ALDH1A2: variants seen among roughly 807,000 people sequenced by gnomAD.
The protein encoded by ALDH1A2 is retinal dehydrogenase 2.
In ALDH1A2, 27 loss-of-function variants were observed where a neutral mutation model predicts 60.3. The ratio of observed to expected loss-of-function variants is 0.45; its 90% confidence interval spans 0.33 to 0.62. The LOEUF (loss-of-function observed/expected upper bound fraction) is 0.62. Ranked by LOEUF, ALDH1A2 falls within the 20% of genes least tolerant of loss-of-function variation. The probability of loss-of-function intolerance (pLI) is 0.02; values close to 1 mark genes in which losing one functional copy is unlikely to be tolerated. For missense variants in ALDH1A2, 581 were observed against 643.8 expected (o/e 0.90, Z 1.06); for synonymous variants, 289 against 232.4 (o/e 1.24, Z -2.21).
intron 1 of ALDH1A2, among the ~76,000 whole-genome samples, chr15:58,025,671 A>T (rs1034617108): frequency 3.3e-5 from 5 of 152,200 alleles, no homozygotes; most frequent in Non-Finnish European, 7.4e-5. Context: ...GTAAAGGAAT[A>T]CCTGAGGATA....
intron 4 of ALDH1A2, among the ~76,000 whole-genome samples, chr15:57,995,762 C>T (rs1895040596): frequency 6.6e-6 from 1 of 151,954 alleles, no homozygotes; most frequent in Non-Finnish European, 1.5e-5. Context: ...CCAAACTAGA[C>T]ATAGAAATGA....
intron 7 of ALDH1A2, among the ~76,000 whole-genome samples, chr15:57,973,544 G>A (rs546698428): frequency 6.6e-6 from 1 of 152,214 alleles, no homozygotes; most frequent in African/African-American, 2.4e-5. Context: ...TGCAAAGTTA[G>A]AATAAATGGA....
At chr15:57,978,468 G>A (rs1040601540) in intron 7 of ALDH1A2, among the ~76,000 whole-genome samples, 1 of 152,148 alleles carries the variant, frequency 6.6e-6, no homozygotes, top group South Asian at 2.1e-4. Context: ...CATTGGTTCC[G>A]TTTGTGATAT....
At chr15:58,058,285 G>C (rs1896944508) in intron 1 of ALDH1A2, among the ~76,000 whole-genome samples, 1 of 151,926 alleles carries the variant, frequency 6.6e-6, no homozygotes, top group African/African-American at 2.4e-5. Flanking sequence ...GGGGAAAAGG[G>C]GAAGTAGGTT....
At chr15:58,040,125 G>A (rs891107425) in intron 1 of ALDH1A2, among the ~76,000 whole-genome samples, 7 of 151,958 alleles carry the variant, frequency 4.6e-5, no homozygotes, top group African/African-American at 1.7e-4. Context: ...AAATATCAGA[G>A]AGGCAATTTG....
At chr15:58,026,350 T>TG (rs1896078982) in intron 1 of ALDH1A2, among the ~76,000 whole-genome samples, 2 of 152,204 alleles carry the variant, frequency 1.3e-5, no homozygotes, top group Admixed American at 1.3e-4. Context: ...TCTCAATAGA[T>TG]GCAGAAAAAG....
Position 57,954,896 on chromosome 15 carries a change from C to T in ALDH1A2, c.*301G>A. On this transcript the variant is annotated 3_prime_UTR_variant, in exon 13 of 13. Coordinates refer to ENST00000249750, the MANE Select transcript of ALDH1A2 (RefSeq NM_003888.4). ...GACAAAGACATGAAATAATACAGCT[C>T]CCTTATTTCATCCTGTGCTCCAGAA... The T allele has an allele frequency of 2.1e-6, 1 of 467,280 alleles. No homozygotes were observed. The highest frequency in any genetic ancestry group is 2.3e-5 in the South Asian group (1 of 44,308). The allele number at this position is 467,280 out of a possible 1,614,324, so 28.9% of individuals were successfully genotyped here.
rs34917541 is a variant in ALDH1A2 at position 58,048,640 on chromosome 15, C to T, written c.117+16894G>A. ...AAGGGTCCAGGGGAATTACGGTGAC[C>T]TATGATGCAGACCTAGTGTTCCATT... On this transcript the variant is annotated intron_variant, in intron 1 of 12. Coordinates refer to ENST00000249750, the MANE Select transcript of ALDH1A2 (RefSeq NM_003888.4). 4.4e-3 allele frequency among the ~76,000 whole-genome samples: 664 copies of T among 152,008 alleles called. 3 individuals are homozygous for T. The highest frequency in any genetic ancestry group is 7.5e-3 in the Non-Finnish European group (512 of 67,934).
chr15:58,038,534 CAT>C (rs1896434047), intron 1 of ALDH1A2: 1 of 151,774 alleles, frequency 6.6e-6, no homozygotes, highest in African/African-American at 2.4e-5. Context: ...CCAGAATTCC[CAT>C]ATCTGTCTCT....
chr15:57,967,045 G>T (rs753509183), intron 7 of ALDH1A2, among the ~76,000 whole-genome samples: 23 of 152,194 alleles, frequency 1.5e-4, no homozygotes, highest in Admixed American at 1.5e-3. Flanking sequence ...AGCGGGGGAA[G>T]AGAAACGCTA....
rs139843111 is a variant in ALDH1A2, at chr15:58,025,824, A to T, written c.118-11543T>A. On this transcript the variant is annotated intron_variant, in intron 1 of 12. Coordinates refer to ENST00000249750, the MANE Select transcript of ALDH1A2 (RefSeq NM_003888.4). ...GGGGAAGCAGGTGTGTTACATGGTGACAGAGAGAGCAAGAGAGAAAAGAGG... is the reference window on the plus strand; with the variant it reads ...GGGGAAGCAGGTGTGTTACATGGTGTCAGAGAGAGCAAGAGAGAAAAGAGG... Among the ~76,000 whole-genome samples, 22 of 152,316 alleles carry T rather than the reference A, an allele frequency of 1.4e-4. 1 individual carries two copies. In the East Asian group the frequency reaches 4.2e-3, roughly 29 times the overall value.
At chr15:58,063,821 G>C (rs1427090094) in intron 1 of ALDH1A2, among the ~76,000 whole-genome samples, 1 of 152,066 alleles carries the variant, frequency 6.6e-6, no homozygotes, top group Non-Finnish European at 1.5e-5. Context: ...TATTAAGTGG[G>C]AAAGTGGATA....
At position 57,999,585 on chromosome 15, in the gene ALDH1A2, C is replaced by G. The variant is rs188319833; in HGVS notation, c.494-4446G>C. On this transcript the variant is annotated intron_variant, in intron 4 of 12. Coordinates refer to ENST00000249750, the MANE Select transcript of ALDH1A2 (RefSeq NM_003888.4). ...AAAAATAGGAACACTGTTCCTATTT[C>G]CCACTTTGTTTACATTCCCACTGTT... is the stretch of plus-strand genomic sequence containing the variant. 1.9e-3 allele frequency among the ~76,000 whole-genome samples: 293 copies of G among 151,592 alleles called. 1 individual carries two copies. Among genetic ancestry groups the G allele is most frequent in the African/African-American group, 6.9e-3 (287 of 41,412 alleles).
intron 7 of ALDH1A2, chr15:57,980,574 T>G (rs1261066842): frequency 3.6e-6 from 1 of 276,250 alleles, no homozygotes; most frequent in Non-Finnish European, 7.7e-6. Flanking sequence ...GGGTCATATT[T>G]GGGCAGGAGC....
chr15:58,027,780 A>G (rs1896119302), intron 1 of ALDH1A2, among the ~76,000 whole-genome samples: 1 of 152,162 alleles, frequency 6.6e-6, no homozygotes, highest in Non-Finnish European at 1.5e-5. Flanking sequence ...GATTCAATCA[A>G]GTAGAAGAAA....
chr15:58,005,707 A>C (rs996220698), intron 4 of ALDH1A2, among the ~76,000 whole-genome samples: 8 of 152,026 alleles, frequency 5.3e-5, no homozygotes, highest in Admixed American at 5.3e-4. Context: ...ATTTAACAAC[A>C]AAAAACCCTA....
intron 7 of ALDH1A2, among the ~76,000 whole-genome samples, chr15:57,988,177 T>C (rs1285602957): frequency 6.6e-6 from 1 of 152,186 alleles, no homozygotes; most frequent in Non-Finnish European, 1.5e-5. Flanking sequence ...AAGTAAATTA[T>C]AGGGCAACAA....
At chr15:58,031,680 AC>A (rs1566954971) in intron 1 of ALDH1A2, among the ~76,000 whole-genome samples, 1 of 151,844 alleles carries the variant, frequency 6.6e-6, no homozygotes, top group Non-Finnish European at 1.5e-5. Flanking sequence ...AACAACCCCA[AC>A]AAAAAGTGGG....
At chr15:57,979,026 G>A (rs1314937647) in intron 7 of ALDH1A2, among the ~76,000 whole-genome samples, 2 of 152,060 alleles carry the variant, frequency 1.3e-5, no homozygotes, top group African/African-American at 4.8e-5. Flanking sequence ...CAACTACTAA[G>A]AAAAAAACCC....
Sources: gnomAD v4.1 joint callset for allele counts (sites outside exome capture counted in the v4.1 genomes callset) on GRCh38, gnomAD v4.1.1 for gene constraint, MANE v1.5 for transcripts, NCBI Gene and HGNC (gene_info 2026-07-23, HGNC 2026-07-21) for gene names.